ADAMTSL1: variants seen among roughly 807,000 people sequenced by gnomAD.
ADAMTSL1 encodes the protein ADAMTS-like protein 1.
A neutral mutation model predicts 201.8 loss-of-function variants in ADAMTSL1; 126 were observed. The observed-to-expected ratio is 0.62, with a 90% CI of 0.54 to 0.72. The LOEUF (loss-of-function observed/expected upper bound fraction) is 0.72, where lower values mean the gene tolerates loss of function less well. ADAMTSL1 is among the 30% of genes least tolerant of loss of function. ADAMTSL1 has a pLI of 0.00. For synonymous variants in ADAMTSL1, 1,121 were observed against 903.4 expected (o/e 1.24, Z -4.32); for missense variants, 2,679 against 2,277.8 (o/e 1.18, Z -3.59).
chr9:18,610,176 AT>A (rs1419317844), intron 4 of ADAMTSL1, among the ~76,000 whole-genome samples: 2 of 152,288 alleles, frequency 1.3e-5, no homozygotes, highest in East Asian at 3.9e-4. Context: ...ACCTTTAGCA[AT>A]TGTAAAGTTT....
At chr9:18,742,228 G>A (rs1818872800) in intron 15 of ADAMTSL1, among the ~76,000 whole-genome samples, 1 of 152,084 alleles carries the variant, frequency 6.6e-6, no homozygotes, top group Admixed American at 6.6e-5. Context: ...TCTTTTGCAG[G>A]AACACAATCC....
intron 2 of ADAMTSL1, among the ~76,000 whole-genome samples, chr9:18,272,898 G>C (rs1291975442): frequency 6.6e-6 from 1 of 152,162 alleles, no homozygotes; most frequent in African/African-American, 2.4e-5. Context: ...TTTGCCTTAT[G>C]TACTGCCTAA....
intron 13 of ADAMTSL1, among the ~76,000 whole-genome samples, chr9:18,697,558 T>A (rs1564159707): frequency 6.6e-6 from 1 of 152,190 alleles, no homozygotes; most frequent in East Asian, 1.9e-4. Context: ...AACAATGTCA[T>A]AATGAGTTGT....
intron 4 of ADAMTSL1, among the ~76,000 whole-genome samples, chr9:18,589,765 G>T (rs965998870): frequency 2.6e-5 from 4 of 152,080 alleles, no homozygotes; most frequent in Non-Finnish European, 4.4e-5. Context: ...TTTGTTGAGG[G>T]TTTTTGTCAT....
rs546026833 is a variant in ADAMTSL1 at position 18,082,397 on chromosome 9, C to T, written c.88-81465C>T. 1.6e-3 allele frequency among the ~76,000 whole-genome samples: 244 copies of T among 152,268 alleles called. 6 individuals carry two copies. In the South Asian group the frequency reaches 0.045, roughly 28 times the overall value. On this transcript the variant is annotated intron_variant, in intron 1 of 29. Coordinates refer to the ADAMTSL1 transcript ENST00000680146. ...TGATCTCAGCTCTCACCGCAACCTCCGCCTCCTGGATTCAAGTGATTCTTC... is the reference window on the plus strand; with the variant it reads ...TGATCTCAGCTCTCACCGCAACCTCTGCCTCCTGGATTCAAGTGATTCTTC...
Position 18,200,511 on chromosome 9 carries a change from C to T in ADAMTSL1, c.207+36530C>T, listed in dbSNP as rs74709999. Among the ~76,000 whole-genome samples, 856 of 152,066 alleles carry T rather than the reference C, an allele frequency of 5.6e-3. 19 individuals are homozygous for T. Among genetic ancestry groups the T allele is most frequent in the Admixed American group, 0.046 (696 of 15,192 alleles). On this transcript the variant is annotated intron_variant, in intron 2 of 29. Coordinates refer to the ADAMTSL1 transcript ENST00000680146. ...AACACAGCTATACACAGATAATAAACGCATACATTTTTCTTAGTCTATACT... is the reference window on the plus strand; with the variant it reads ...AACACAGCTATACACAGATAATAAATGCATACATTTTTCTTAGTCTATACT...
intron 2 of ADAMTSL1, among the ~76,000 whole-genome samples, chr9:18,331,140 A>G (rs1379124128): frequency 1.3e-5 from 2 of 152,190 alleles, no homozygotes; most frequent in Non-Finnish European, 2.9e-5. Flanking sequence ...GGTGTAAGAC[A>G]AAGGAGCTGT....
chr9:18,305,891 G>A (rs147973190), intron 2 of ADAMTSL1, among the ~76,000 whole-genome samples: 1 of 151,976 alleles, frequency 6.6e-6, no homozygotes, highest in Non-Finnish European at 1.5e-5. Context: ...GTGGGTCCCT[G>A]ACCTCCATGA....
chr9:18,696,417 T>C (rs1831553619), intron 13 of ADAMTSL1, among the ~76,000 whole-genome samples: 1 of 152,140 alleles, frequency 6.6e-6, no homozygotes, highest in South Asian at 2.1e-4. Context: ...GAGATGAAGA[T>C]GGAAAATGCC....
intron 2 of ADAMTSL1, among the ~76,000 whole-genome samples, chr9:18,243,441 G>A (rs771943441): frequency 9.2e-5 from 14 of 152,012 alleles, no homozygotes; most frequent in Non-Finnish European, 1.8e-4. Context: ...GATGCCTCGA[G>A]GAACAAATCC....
intron 4 of ADAMTSL1, among the ~76,000 whole-genome samples, chr9:18,592,621 A>G (rs1230267090): frequency 2.0e-5 from 3 of 152,236 alleles, no homozygotes; most frequent in Admixed American, 6.5e-5. Flanking sequence ...TTTCGTTACT[A>G]TATCTCTGTA....
chr9:18,442,927 G>A (rs913165495), intron 2 of ADAMTSL1, among the ~76,000 whole-genome samples: 2 of 152,196 alleles, frequency 1.3e-5, no homozygotes, highest in Admixed American at 6.5e-5. Context: ...AACCAGCACA[G>A]TACCTGGTTT....
intron 2 of ADAMTSL1, among the ~76,000 whole-genome samples, chr9:18,409,054 A>G (rs1247898195): frequency 6.6e-6 from 1 of 152,088 alleles, no homozygotes; most frequent in Non-Finnish European, 1.5e-5. Flanking sequence ...AATATTATTG[A>G]TCATGTAATC....
chr9:18,399,442 C>G (rs540645509), intron 2 of ADAMTSL1, among the ~76,000 whole-genome samples: 2 of 150,882 alleles, frequency 1.3e-5, no homozygotes, highest in South Asian at 4.2e-4. Flanking sequence ...CGGGTTCAAG[C>G]GATTCTCTTG....
intron 2 of ADAMTSL1, among the ~76,000 whole-genome samples, chr9:18,401,998 GA>G (rs1818005467): frequency 6.6e-6 from 1 of 152,132 alleles, no homozygotes; most frequent in African/African-American, 2.4e-5. Context: ...CTATGGGAAG[GA>G]AAGCAGATTT....
At chr9:18,794,027 T>TAAAA (rs199713694) in intron 19 of ADAMTSL1, among the ~76,000 whole-genome samples, 42 of 146,474 alleles carry the variant, frequency 2.9e-4, no homozygotes, top group East Asian at 1.4e-3. Context: ...CTTTTCAGAT[T>TAAAA]AAAAAAAAAA....
In ADAMTSL1 at chr9:18,776,834, G is replaced by A. The variant is rs1432133845; in HGVS notation, c.2605G>A (p.Val869Ile). ...CCCGCACATCGCGGCCGCCAGGAAG[G>A]TCTACATACAGACTCGCAGGCAGAG... is the stretch of plus-strand genomic sequence containing the variant. ...HSPHIAAARK[V>I]YIQTRRQRKL... The change falls in exon 19 of 29, where the codon GTC (valine) becomes ATC (isoleucine). Residue 869 changes from valine (V) to isoleucine (I), a missense_variant. Physicochemically the swap from Val to Ile is conservative, Grantham distance 29 (BLOSUM62 3). Coordinates refer to ENST00000380548, the MANE Select transcript of ADAMTSL1 (RefSeq NM_001040272.6). The A allele has an allele frequency of 6.3e-7, 1 of 1,593,808 alleles. No individual in the cohort carries two copies. Among genetic ancestry groups the A allele is most frequent in the Non-Finnish European group, 8.5e-7 (1 of 1,170,510 alleles).
chr9:18,723,319 G>T, intron 15 of ADAMTSL1: 1 of 551,912 alleles, frequency 1.8e-6, no homozygotes, highest in South Asian at 2.1e-5. Flanking sequence ...TGAAAAACAT[G>T]CAAAAGGGTC....
At chr9:18,722,930 A>G (rs1817632083) in intron 15 of ADAMTSL1, 8 of 727,650 alleles carry the variant, frequency 1.1e-5, no homozygotes, top group Non-Finnish European at 1.8e-5. Context: ...TTCTGTCCTA[A>G]CTTCGCAGCT....
Sources: allele counts gnomAD v4.1 joint callset (sites outside exome capture counted in the v4.1 genomes callset), GRCh38; gene constraint gnomAD v4.1.1; transcripts MANE v1.5; gene names NCBI Gene and HGNC (gene_info 2026-07-23, HGNC 2026-07-21).